Variants in SLC25A12 observed in about 807,000 individuals in gnomAD.
SLC25A12 encodes electrogenic aspartate/glutamate antiporter SLC25A12, mitochondrial.
Under a neutral mutation model 83.3 loss-of-function variants are expected in SLC25A12, and 32 were observed. The observed-to-expected ratio is 0.38, with a 90% CI of 0.29 to 0.52. The LOEUF is 0.52. SLC25A12 is among the 20% of genes least tolerant of loss of function. SLC25A12 has a pLI of 0.84. For missense variants in SLC25A12, 611 were observed against 835.6 expected, an observed-to-expected ratio of 0.73 and a Z score of 3.31; for synonymous variants, 267 against 291.1, an observed-to-expected ratio of 0.92 and a Z score of 0.84.
intron 2 of SLC25A12, among the ~76,000 whole-genome samples, chr2:171,885,086 G>A (rs1031751602): frequency 1.3e-5 from 2 of 148,768 alleles, no homozygotes; most frequent in Admixed American, 6.7e-5. Flanking sequence ...GGTGGCGGGC[G>A]CCTGTAGTCC....
At chr2:171,849,062 A>T (rs1028167050) in intron 4 of SLC25A12, among the ~76,000 whole-genome samples, 1 of 152,144 alleles carries the variant, frequency 6.6e-6, no homozygotes, top group African/African-American at 2.4e-5. Context: ...GTGGTGGCAC[A>T]TGCCTGTAGT....
intron 15 of SLC25A12, 73 bp from the exon 16 acceptor site, chr2:171,788,020 A>G: frequency 1.3e-6 from 2 of 1,490,042 alleles, no homozygotes; most frequent in Non-Finnish European, 1.9e-6. Flanking sequence ...AACATCTACT[A>G]TAGAGCCTGC....
At chr2:171,790,314 A>G (rs966169954) in intron 15 of SLC25A12, among the ~76,000 whole-genome samples, 4 of 152,194 alleles carry the variant, frequency 2.6e-5, no homozygotes, top group African/African-American at 9.7e-5. Context: ...ATGGTTCATT[A>G]CTGGTTGTAT....
chr2:171,867,906 G>A (rs755617699), intron 3 of SLC25A12, among the ~76,000 whole-genome samples: 13 of 152,128 alleles, frequency 8.5e-5, no homozygotes, highest in Admixed American at 2.0e-4. Context: ...GTGCAGTGGC[G>A]CAATCTCGGC....
chr2:171,825,256 T>C (rs1315224754), intron 9 of SLC25A12, among the ~76,000 whole-genome samples: 1 of 152,232 alleles, frequency 6.6e-6, no homozygotes, highest in Non-Finnish European at 1.5e-5. Context: ...AATGCAGATA[T>C]AATGGTTTCT....
At position 171,787,828 on chromosome 2, in the gene SLC25A12, G is replaced by A. The variant is rs1378635484; in HGVS notation, c.1705C>T (p.Arg569Trp). 1.2e-5 allele frequency: 20 copies of A among 1,614,048 alleles called. No homozygotes were observed. Among genetic ancestry groups the A allele is most frequent in the Admixed American group, 1.7e-5 (1 of 60,002 alleles). Residue 569 changes from arginine (R) to tryptophan (W), a missense_variant, in exon 16 of 18, where the codon CGG (arginine) becomes TGG (tryptophan). Coordinates refer to ENST00000422440, the MANE Select transcript of SLC25A12 (RefSeq NM_003705.5). ...CAAAATGCTGAGGGCCCTTCTTCCC[G>A]GAGAATCTTCCTGAAACAGTCGATG... ...GVIDCFRKIL[R>W]EEGPSAFWKG...
chr2:171,853,161 G>A (rs560712868), intron 4 of SLC25A12, among the ~76,000 whole-genome samples: 3 of 152,194 alleles, frequency 2.0e-5, no homozygotes, highest in East Asian at 1.9e-4. Context: ...ACAGGTATGC[G>A]CCACTGCACC....
In SLC25A12 at chr2:171,872,763, C is replaced by T. The variant is rs1303343319; in HGVS notation, c.67-3940G>A. 5.3e-5 allele frequency among the ~76,000 whole-genome samples: 8 copies of T among 152,188 alleles called. No homozygotes were observed. In the East Asian group the frequency reaches 1.5e-3, roughly 29 times the overall value. ...TAAAAGTTAAATCCAATTTCAATTG[C>T]AAGTGGAGAGAATGGGTATTTCAAG... On this transcript the variant is annotated intron_variant, in intron 2 of 17. Transcript: ENST00000422440.
chr2:171,859,867 A>C (rs1355497668), intron 3 of SLC25A12, among the ~76,000 whole-genome samples: 1 of 152,066 alleles, frequency 6.6e-6, no homozygotes, highest in Non-Finnish European at 1.5e-5. Context: ...TCCTGGATTC[A>C]AGCAATTCTC....
chr2:171,854,587 A>T (rs1207982667), intron 4 of SLC25A12, among the ~76,000 whole-genome samples: 1 of 151,974 alleles, frequency 6.6e-6, no homozygotes, highest in Non-Finnish European at 1.5e-5. Flanking sequence ...AAAACAAAAA[A>T]CTCTGCATAG....
chr2:171,809,905 G>A (rs1424505941), intron 12 of SLC25A12, among the ~76,000 whole-genome samples: 1 of 152,176 alleles, frequency 6.6e-6, no homozygotes, highest in Non-Finnish European at 1.5e-5. Flanking sequence ...TCACTCTGTT[G>A]CTCAGGCTGG....
chr2:171,783,592 A>C lies in SLC25A12; in HGVS notation c.*1682T>G, dbSNP rs1315040380. Reference sequence around the variant, plus strand: ...TTCATGCTGTAACCTGTTAGCAGTGATTACCTCTGGGCCAGGAAGTGGTGG... The same window carrying C: ...TTCATGCTGTAACCTGTTAGCAGTGCTTACCTCTGGGCCAGGAAGTGGTGG... On this transcript the variant is annotated 3_prime_UTR_variant, in exon 18 of 18. Transcript: ENST00000422440. 6.6e-6 allele frequency among the ~76,000 whole-genome samples: 1 copy of C among 152,210 alleles called. No individual in the cohort carries two copies.
intron 13 of SLC25A12, among the ~76,000 whole-genome samples, chr2:171,807,050 T>A (rs568584718): frequency 6.6e-6 from 1 of 152,362 alleles, no homozygotes; most frequent in Non-Finnish European, 1.5e-5. Flanking sequence ...TTTATAGACT[T>A]TGGGGAGAAA....
chr2:171,788,834 A>C (rs1205547913), intron 15 of SLC25A12: 2 of 152,196 alleles, frequency 1.3e-5, no homozygotes, highest in Non-Finnish European at 2.9e-5. Flanking sequence ...TATTCAGATG[A>C]AACTAGGTAA....
intron 17 of SLC25A12, among the ~76,000 whole-genome samples, chr2:171,785,742 C>T (rs1258865385): frequency 6.6e-6 from 1 of 152,128 alleles, no homozygotes; most frequent in Non-Finnish European, 1.5e-5. Flanking sequence ...GGAAAAAAGT[C>T]AGAAGAAAAG....
chr2:171,865,272 AAAG>A (rs1685261922), intron 3 of SLC25A12, among the ~76,000 whole-genome samples: 1 of 152,200 alleles, frequency 6.6e-6, no homozygotes. Flanking sequence ...TTTTCGAAAA[AAAG>A]AAATGCCTGT....
intron 2 of SLC25A12, among the ~76,000 whole-genome samples, chr2:171,882,901 C>T (rs921696862): frequency 2.0e-5 from 3 of 152,134 alleles, no homozygotes; most frequent in Non-Finnish European, 2.9e-5. Context: ...TTCTTTTACA[C>T]GTCCAGACTG....
At chr2:171,879,074 A>G (rs1347070895) in intron 2 of SLC25A12, among the ~76,000 whole-genome samples, 1 of 152,244 alleles carries the variant, frequency 6.6e-6, no homozygotes, top group Non-Finnish European at 1.5e-5. Flanking sequence ...ATAAGAAAAA[A>G]ATTATTTTAA....
chr2:171,796,183 G>A (rs1283197286), intron 13 of SLC25A12, among the ~76,000 whole-genome samples: 1 of 152,204 alleles, frequency 6.6e-6, no homozygotes, highest in Non-Finnish European at 1.5e-5. Flanking sequence ...CTAGGCTCAA[G>A]CGATCCACTC....
Sources: allele counts gnomAD v4.1 joint callset (sites outside exome capture counted in the v4.1 genomes callset), GRCh38; gene constraint gnomAD v4.1.1; transcripts MANE v1.5; gene names NCBI Gene and HGNC (gene_info 2026-07-23, HGNC 2026-07-21).